Variants in EML4 observed in about 807,000 individuals in gnomAD.
The protein encoded by EML4 is echinoderm microtubule-associated protein-like 4.
A neutral mutation model predicts 129.0 loss-of-function variants in EML4; 72 were observed. The ratio of observed to expected loss-of-function variants is 0.56; its 90% CI spans 0.46 to 0.68. The LOEUF is 0.68. Among genes scored for constraint, EML4 ranks in the 30% least tolerant of loss-of-function variants. The pLI is 0.00. For missense variants in EML4, 1,363 were observed against 1,190.6 expected (o/e 1.14, Z -2.13); for synonymous variants, 532 against 405.0 (o/e 1.31, Z -3.77).
chr2:42,281,219 C>T (rs112828938), intron 7 of EML4, among the ~76,000 whole-genome samples: 1 of 151,700 alleles, frequency 6.6e-6, no homozygotes, highest in Non-Finnish European at 1.5e-5. Context: ...TTGTGAAACC[C>T]CATCTCTACT....
chr2:42,293,263 C>T (rs1572703974), intron 11 of EML4, among the ~76,000 whole-genome samples: 1 of 152,118 alleles, frequency 6.6e-6, no homozygotes, highest in Non-Finnish European at 1.5e-5. Context: ...CGCGCACCGC[C>T]ACGCCGGCTA....
Position 42,218,945 on chromosome 2 carries a change from T to C in EML4, c.26-26560T>C, listed in dbSNP as rs376948919. 3.3e-4 allele frequency among the ~76,000 whole-genome samples: 51 copies of C among 152,278 alleles called. 1 individual carries two copies. The South Asian group carries it at 6.2e-3, about 19-fold the overall frequency. The stretch of plus-strand genomic sequence containing the variant: ...TCGCAAGCAGCTAGGAATACAAACA[T>C]GCACTGCAGCACTTGACTTAGTAAA... On this transcript the variant is annotated intron_variant, in intron 1 of 22. Coordinates refer to ENST00000318522, the MANE Select transcript of EML4 (RefSeq NM_019063.5).
chr2:42,235,613 T>C (rs1006526389), intron 1 of EML4, among the ~76,000 whole-genome samples: 3 of 152,198 alleles, frequency 2.0e-5, no homozygotes, highest in African/African-American at 7.2e-5. Flanking sequence ...TCAGCATAAG[T>C]GCTTTAGGAA....
intron 17 of EML4, among the ~76,000 whole-genome samples, chr2:42,314,241 C>G (rs1669112679): frequency 6.6e-6 from 1 of 151,956 alleles, no homozygotes; most frequent in Non-Finnish European, 1.5e-5. Flanking sequence ...CACCTGTAAT[C>G]CCAGCTACTC....
intron 2 of EML4, among the ~76,000 whole-genome samples, 172 bp from the exon 3 acceptor site, chr2:42,256,329 A>G (rs1271367313): frequency 6.6e-6 from 1 of 152,184 alleles, no homozygotes; most frequent in East Asian, 1.9e-4. Context: ...AAGTCTTGAG[A>G]CAGTATCATG....
At chr2:42,265,257 G>GT (rs1665992074) in intron 6 of EML4, among the ~76,000 whole-genome samples, 1 of 151,974 alleles carries the variant, frequency 6.6e-6, no homozygotes, top group African/African-American at 2.4e-5. Flanking sequence ...AATTTTTGGT[G>GT]TTTTTTGTTT....
At chr2:42,250,800 C>T (rs1202179373) in intron 2 of EML4, among the ~76,000 whole-genome samples, 15 of 152,070 alleles carry the variant, frequency 9.9e-5, no homozygotes, top group Admixed American at 9.8e-4. Flanking sequence ...ATTCTTATTG[C>T]ATAGTAATAT....
intron 17 of EML4, among the ~76,000 whole-genome samples, chr2:42,311,405 T>A (rs1034860533): frequency 7.2e-5 from 11 of 152,064 alleles, no homozygotes; most frequent in African/African-American, 2.4e-4. Flanking sequence ...TACAAAAAAT[T>A]AGCCAGGCGT....
chr2:42,266,459 T>C (rs1666071026), intron 6 of EML4, among the ~76,000 whole-genome samples: 1 of 151,888 alleles, frequency 6.6e-6, no homozygotes, highest in Non-Finnish European at 1.5e-5. Flanking sequence ...GTCCTCTCAC[T>C]GAAGCCTCCC....
At chr2:42,224,629 T>A (rs1223668305) in intron 1 of EML4, among the ~76,000 whole-genome samples, 3 of 152,116 alleles carry the variant, frequency 2.0e-5, no homozygotes, top group African/African-American at 7.2e-5. Flanking sequence ...ACTGCCAGAT[T>A]GTTTTCCAAA....
intron 11 of EML4, among the ~76,000 whole-genome samples, chr2:42,293,984 T>C (rs1167583350): frequency 6.6e-6 from 1 of 152,232 alleles, no homozygotes; most frequent in Non-Finnish European, 1.5e-5. Flanking sequence ...ACATTAATGA[T>C]CACCCTGTAA....
chr2:42,240,453 T>C (rs1205118900), intron 1 of EML4, among the ~76,000 whole-genome samples: 1 of 152,218 alleles, frequency 6.6e-6, no homozygotes, highest in Admixed American at 6.5e-5. Context: ...TGTGTGTTTT[T>C]TGTGTTAATT....
rs745391471 is a variant in EML4 at position 42,295,158 on chromosome 2, C to G, written c.1252C>G (p.His418Asp). 5.6e-6 allele frequency: 9 copies of G among 1,612,296 alleles called. No individual in the cohort carries two copies. The African/African-American group carries it at 8.0e-5, about 14-fold the overall frequency. ...TNEVVLAVEF[H>D]PTDANTIITC... ...TGAAGTTGTTTTGGCTGTGGAGTTT[C>G]ACCCAACAGATGCAAATACCATAAT... Residue 418 changes from histidine to aspartate, a missense_variant, in exon 12 of 23, where the codon CAC (histidine) becomes GAC (aspartate). By Grantham distance (81) the His-to-Asp change is moderately conservative. Coordinates refer to ENST00000318522, the MANE Select transcript of EML4 (RefSeq NM_019063.5).
chr2:42,269,797 T>C (rs1666267937), intron 6 of EML4, among the ~76,000 whole-genome samples: 1 of 152,222 alleles, frequency 6.6e-6, no homozygotes. Context: ...CATACAATTT[T>C]GTATTATTTA....
At chr2:42,181,468 T>C (rs1464450550) in intron 1 of EML4, among the ~76,000 whole-genome samples, 1 of 151,968 alleles carries the variant, frequency 6.6e-6, no homozygotes, top group Non-Finnish European at 1.5e-5. Context: ...CTTGGCTAAT[T>C]TTTGTATTTT....
At chr2:42,268,667 G>T (rs115875382) in intron 6 of EML4, among the ~76,000 whole-genome samples, 1,963 of 152,124 alleles carry the variant, frequency 0.013, 40 homozygotes, top group African/African-American at 0.045. Context: ...CAAACTTTTA[G>T]CCTCAAGCAG....
At chr2:42,212,651 A>C (rs1398267459) in intron 1 of EML4, among the ~76,000 whole-genome samples, 3 of 152,206 alleles carry the variant, frequency 2.0e-5, no homozygotes, top group African/African-American at 4.8e-5. Flanking sequence ...CATGACACCC[A>C]CAGATACACT....
rs1435767766 is a variant in EML4 at position 42,303,277 on chromosome 2, C to T, written c.1768-38C>T. The T allele has an allele frequency of 1.9e-6, 3 of 1,613,750 alleles. No individual in the cohort carries two copies. In the African/African-American group the frequency reaches 4.0e-5, roughly 22 times the overall value. On this transcript the variant is annotated intron_variant, in intron 15 of 22. Transcript: ENST00000318522. ...TTAACTGAATATTTTTTATGATATT[C>T]TTTGGTTCTTATAACAATGAGTGTC...
intron 6 of EML4, among the ~76,000 whole-genome samples, chr2:42,276,484 C>T (rs552851801): frequency 1.3e-5 from 2 of 152,280 alleles, no homozygotes; most frequent in South Asian, 2.1e-4. Flanking sequence ...ATAATAGACT[C>T]AGCAGAATTC....
Sources: allele counts gnomAD v4.1 joint callset (sites outside exome capture counted in the v4.1 genomes callset), GRCh38; gene constraint gnomAD v4.1.1; transcripts MANE v1.5; gene names NCBI Gene and HGNC (gene_info 2026-07-23, HGNC 2026-07-21).